Variants in RBKS observed in about 807,000 individuals in gnomAD.
The protein encoded by RBKS is ribokinase.
RBKS carries 33 observed loss-of-function variants against 33.9 expected under a neutral mutation model. That is an observed-to-expected ratio of 0.97 (90% confidence interval 0.74 to 1.30). RBKS has a LOEUF of 1.30. RBKS is among the 50% of genes most tolerant of loss of function. The pLI, the probability that RBKS is intolerant of heterozygous loss-of-function variation, is 0.00. For synonymous variants in RBKS, 125 were observed against 143.0 expected (o/e 0.87, Z 0.90); for missense variants, 361 against 392.6 (o/e 0.92, Z 0.68).
chr2:27,849,734 CTG>C (rs1219727884), intron 2 of RBKS, among the ~76,000 whole-genome samples: 1 of 152,052 alleles, frequency 6.6e-6, no homozygotes, highest in African/African-American at 2.4e-5. Flanking sequence ...ACTTTGGTAA[CTG>C]GATCTCCCCT....
intron 7 of RBKS, among the ~76,000 whole-genome samples, chr2:27,805,175 G>A (rs963229688): frequency 2.6e-5 from 4 of 152,144 alleles, no homozygotes; most frequent in South Asian, 2.1e-4. Context: ...ATACACTAAC[G>A]ATAGCTGATG....
intron 4 of RBKS, among the ~76,000 whole-genome samples, chr2:27,845,464 A>C (rs1359603142): frequency 6.6e-6 from 1 of 152,206 alleles, no homozygotes; most frequent in Non-Finnish European, 1.5e-5. Context: ...ATGACATTAT[A>C]TCTTTGCATG....
At chr2:27,847,183 C>G (rs1271115172) in intron 3 of RBKS, 79 bp from the exon 4 acceptor site, 10 of 824,638 alleles carry the variant, frequency 1.2e-5, no homozygotes, top group Non-Finnish European at 2.0e-5. Flanking sequence ...CAATACAACA[C>G]TAATCCTTGG....
chr2:27,827,822 G>GT (rs1678343715), intron 6 of RBKS, 67 bp from the exon 7 acceptor site: 1 of 1,319,902 alleles, frequency 7.6e-7, no homozygotes, highest in Admixed American at 3.4e-5. Flanking sequence ...TTCCAGATGC[G>GT]TTTTTCTAGA....
Position 27,781,589 on chromosome 2 carries a change from T to C in RBKS, c.*26A>G. The C allele has an allele frequency of 6.4e-7, 1 of 1,572,890 alleles. No individual in the cohort carries two copies. Among genetic ancestry groups the C allele is most frequent in the Non-Finnish European group, 8.7e-7 (1 of 1,155,162 alleles). On this transcript the variant is annotated 3_prime_UTR_variant, in exon 8 of 8. Transcript: ENST00000302188. ...CCCCCAAGTACATTTTATTCCCAGG[T>C]ATATTTATTTTGGGACTAATAGCAA...
At chr2:27,836,907 C>T (rs756887263) in intron 5 of RBKS, among the ~76,000 whole-genome samples, 28 of 152,286 alleles carry the variant, frequency 1.8e-4, no homozygotes, top group Admixed American at 4.6e-4. Context: ...CTCATCGTTT[C>T]ACTCATCATC....
At chr2:27,806,086 G>A (rs1419376542) in intron 7 of RBKS, among the ~76,000 whole-genome samples, 4 of 151,382 alleles carry the variant, frequency 2.6e-5, no homozygotes, top group African/African-American at 2.4e-5. Flanking sequence ...GTTTTGCCAC[G>A]TTGCCCACGC....
intron 7 of RBKS, among the ~76,000 whole-genome samples, chr2:27,815,494 G>A (rs1055562861): frequency 6.6e-6 from 1 of 152,162 alleles, no homozygotes; most frequent in Non-Finnish European, 1.5e-5. Context: ...ATTGCGCCTA[G>A]CTCTAGGTGG....
rs192629657 is a variant in RBKS, at chr2:27,878,062, C to T, written c.89+12195G>A. Among the ~76,000 whole-genome samples the T allele has an allele frequency of 4.9e-3, 741 of 150,526 alleles. 7 individuals are homozygous for T. The highest frequency in any genetic ancestry group is 0.016 in the African/African-American group (667 of 40,940). On this transcript the variant is annotated intron_variant, in intron 1 of 7. Coordinates refer to ENST00000302188, the MANE Select transcript of RBKS (RefSeq NM_022128.3). ...AATTATTATTATACTTTAAGTTTTA[C>T]GGTACATGTGCACAATGTGCAGGTT...
chr2:27,842,527 GGGCT>G (rs1663530547), intron 5 of RBKS, among the ~76,000 whole-genome samples: 1 of 152,140 alleles, frequency 6.6e-6, no homozygotes, highest in Non-Finnish European at 1.5e-5. Context: ...AAAAGTAACT[GGGCT>G]GCCCCAGTTA....
intron 6 of RBKS, among the ~76,000 whole-genome samples, chr2:27,829,722 C>T (rs1459245817): frequency 4.6e-5 from 7 of 152,142 alleles, no homozygotes; most frequent in African/African-American, 1.7e-4. Context: ...AAACCAAAAC[C>T]AGGTATTATA....
In RBKS at chr2:27,888,792, A is replaced by G. The variant is rs911829794; in HGVS notation, c.89+1465T>C. On this transcript the variant is annotated intron_variant, in intron 1 of 7. Transcript: ENST00000302188. ...TTTTACATTTAAAAAATGTTGTTAA[A>G]AAAAAATGTGACCTTGACCACATAC... Among the ~76,000 whole-genome samples the G allele has an allele frequency of 1.8e-4, 28 of 152,102 alleles. 1 individual carries two copies. The highest frequency in any genetic ancestry group is 2.8e-4 in the Non-Finnish European group (19 of 68,014).
At chr2:27,820,323 T>C (rs1342326720) in intron 7 of RBKS, among the ~76,000 whole-genome samples, 2 of 152,166 alleles carry the variant, frequency 1.3e-5, no homozygotes, top group Non-Finnish European at 2.9e-5. Flanking sequence ...GGTGAGGTTT[T>C]TTCCAGATTT....
chr2:27,797,099 T>C (rs35679500), intron 7 of RBKS, among the ~76,000 whole-genome samples: 32,300 of 152,200 alleles, frequency 0.21, 4,444 homozygotes, highest in East Asian at 0.59. Context: ...CTGAGTCTGC[T>C]GGTCTGCGAT....
chr2:27,794,351 G>T (rs896083530), intron 7 of RBKS, among the ~76,000 whole-genome samples: 4 of 134,592 alleles, frequency 3.0e-5, no homozygotes, highest in Admixed American at 7.9e-5. Context: ...TAATAATAAA[G>T]AAATTTTAAA....
chr2:27,802,196 G>A (rs111946063), intron 7 of RBKS, among the ~76,000 whole-genome samples: 676 of 150,496 alleles, frequency 4.5e-3, no homozygotes, highest in Middle Eastern at 0.017. Flanking sequence ...GAGGAGAGTG[G>A]CAAGGGGATG....
intron 7 of RBKS, among the ~76,000 whole-genome samples, chr2:27,803,450 C>T (rs1318874742): frequency 5.9e-5 from 9 of 152,092 alleles, no homozygotes; most frequent in African/African-American, 9.7e-5. Flanking sequence ...GTAATCCCAG[C>T]GCTTTGGGAG....
intron 5 of RBKS, 139 bp downstream of exon 5, chr2:27,842,928 C>T: frequency 1.7e-6 from 1 of 603,134 alleles, no homozygotes; most frequent in East Asian, 3.3e-5. Context: ...TCAAGAACCA[C>T]AAGACTGTGA....
chr2:27,803,288 G>A (rs1488092515), intron 7 of RBKS, among the ~76,000 whole-genome samples: 1 of 152,174 alleles, frequency 6.6e-6, no homozygotes, highest in African/African-American at 2.4e-5. Flanking sequence ...TATCATTATT[G>A]TGTAAGTGCT....
Sources: allele counts gnomAD v4.1 joint callset (sites outside exome capture counted in the v4.1 genomes callset), GRCh38; gene constraint gnomAD v4.1.1; transcripts MANE v1.5; gene names NCBI Gene and HGNC (gene_info 2026-07-23, HGNC 2026-07-21).